PLEKHA7: variants seen among roughly 807,000 people sequenced by gnomAD.
PLEKHA7 encodes pleckstrin homology domain-containing family A member 7.
In PLEKHA7, 104 loss-of-function variants were observed where a neutral mutation model predicts 170.0. The observed-to-expected ratio is 0.61, with a 90% CI of 0.52 to 0.72. The LOEUF is 0.72. Ranked by LOEUF, PLEKHA7 falls within the 30% of genes least tolerant of loss-of-function variation. The pLI is 0.00. For synonymous variants in PLEKHA7, 648 were observed against 660.8 expected (o/e 0.98, Z 0.30); for missense variants, 1,615 against 1,671.7 (o/e 0.97, Z 0.59).
chr11:17,003,531 A>T (rs1864804719), intron 3 of PLEKHA7, among the ~76,000 whole-genome samples: 1 of 152,182 alleles, frequency 6.6e-6, no homozygotes, highest in Non-Finnish European at 1.5e-5. Flanking sequence ...TACTTGCTAA[A>T]CCCTTTCCAT....
At chr11:16,813,080 T>G (rs1352548198) in intron 13 of PLEKHA7, 33 bp downstream of exon 13, 1 of 1,601,234 alleles carries the variant, frequency 6.2e-7, no homozygotes, top group East Asian at 2.2e-5. Flanking sequence ...AAGGTGAGTA[T>G]GCAAGGAAGG....
chr11:16,907,274 C>A (rs1469954236), intron 3 of PLEKHA7, among the ~76,000 whole-genome samples: 6 of 145,318 alleles, frequency 4.1e-5, no homozygotes, highest in Non-Finnish European at 9.1e-5. Context: ...GGTCAGCCCC[C>A]CGCCCGGCCA....
At chr11:16,950,204 C>T (rs765791505) in intron 3 of PLEKHA7, among the ~76,000 whole-genome samples, 70 of 152,072 alleles carry the variant, frequency 4.6e-4, no homozygotes, top group Non-Finnish European at 7.4e-4. Context: ...CTATATACCA[C>T]GCCCTAGAAT....
At chr11:16,896,778 C>A (rs914119201) in intron 3 of PLEKHA7, among the ~76,000 whole-genome samples, 1 of 152,222 alleles carries the variant, frequency 6.6e-6, no homozygotes, top group African/African-American at 2.4e-5. Context: ...TGGCTCACCA[C>A]CCCCACATGG....
chr11:16,961,652 G>T (rs1488365566), intron 3 of PLEKHA7, among the ~76,000 whole-genome samples: 1 of 152,192 alleles, frequency 6.6e-6, no homozygotes, highest in African/African-American at 2.4e-5. Flanking sequence ...ACACACCCTG[G>T]CATCATCAAA....
chr11:16,940,898 C>T (rs1321475105), intron 3 of PLEKHA7, among the ~76,000 whole-genome samples: 3 of 152,064 alleles, frequency 2.0e-5, no homozygotes, highest in Non-Finnish European at 4.4e-5. Flanking sequence ...CCAGGTGGCT[C>T]TGAAGTCATT....
intron 3 of PLEKHA7, among the ~76,000 whole-genome samples, chr11:16,958,821 C>T (rs1245376200): frequency 1.3e-5 from 2 of 151,316 alleles, no homozygotes; most frequent in East Asian, 3.9e-4. Flanking sequence ...ATTGCACAGC[C>T]GATGTAACCA....
At chr11:16,929,198 A>G (rs1220758104) in intron 3 of PLEKHA7, among the ~76,000 whole-genome samples, 2 of 152,214 alleles carry the variant, frequency 1.3e-5, no homozygotes, top group Non-Finnish European at 2.9e-5. Context: ...ATACGGCCCC[A>G]GTTGGTGCCC....
At chr11:16,822,481 A>T in intron 10 of PLEKHA7, among the ~76,000 whole-genome samples, 1 of 144,732 alleles carries the variant, frequency 6.9e-6, no homozygotes, top group East Asian at 2.0e-4. Flanking sequence ...ACCACATCTC[A>T]AGTGTCTGCT....
At chr11:16,923,108 AG>A (rs1335856152) in intron 3 of PLEKHA7, among the ~76,000 whole-genome samples, 7 of 152,054 alleles carry the variant, frequency 4.6e-5, no homozygotes, top group African/African-American at 9.7e-5. Context: ...TCAGTGCCCT[AG>A]GGACCCCGCT....
chr11:16,845,481 C>T (rs1852320758), intron 8 of PLEKHA7, among the ~76,000 whole-genome samples: 1 of 152,120 alleles, frequency 6.6e-6, no homozygotes, highest in African/African-American at 2.4e-5. Context: ...ATCCTCCCAC[C>T]CCAGCCTCCT....
intron 10 of PLEKHA7, among the ~76,000 whole-genome samples, chr11:16,820,913 A>T (rs1417529599): frequency 1.3e-5 from 2 of 152,204 alleles, no homozygotes; most frequent in African/African-American, 2.4e-5. Context: ...ACTATGGAGG[A>T]GGGACACAGG....
chr11:16,877,246 C>T (rs1039159072), intron 3 of PLEKHA7, among the ~76,000 whole-genome samples: 1 of 152,150 alleles, frequency 6.6e-6, no homozygotes, highest in Non-Finnish European at 1.5e-5. Flanking sequence ...TGTAAAGCCA[C>T]TTACTATCTT....
intron 3 of PLEKHA7, among the ~76,000 whole-genome samples, chr11:16,988,357 G>C (rs1565184057): frequency 6.6e-6 from 1 of 152,168 alleles, no homozygotes; most frequent in Non-Finnish European, 1.5e-5. Context: ...AGGAACTCTG[G>C]GCAGAGGAAT....
In PLEKHA7 at chr11:17,014,347, C is replaced by G; in HGVS notation, c.55G>C (p.Val19Leu). The G allele has an allele frequency of 6.9e-7, 1 of 1,446,482 alleles. No homozygotes were observed. Among genetic ancestry groups the G allele is most frequent in the Non-Finnish European group, 9.1e-7 (1 of 1,094,702 alleles). 89.6% of individuals were successfully genotyped at this position (1,446,482 alleles called of 1,614,324 possible). Residue 19 changes from valine (V) to leucine (L), a missense_variant, in exon 1 of 27, where the codon GTG becomes CTG. Val to Leu is a conservative substitution (Grantham distance 32, BLOSUM62 1). Coordinates refer to ENST00000531066, the MANE Select transcript of PLEKHA7 (RefSeq NM_001329630.2). ...AAGAAGACGCGGCCATCCCGGCACA[C>G]CCCGTAGGACCAATGCTCAGGTAAA... Reference protein sequence around the residue: ...DTLPEHWSYGVCRDGRVFFIN... With the variant: ...DTLPEHWSYGLCRDGRVFFIN...
intron 3 of PLEKHA7, among the ~76,000 whole-genome samples, chr11:16,978,249 T>A (rs181693225): frequency 1.3e-5 from 2 of 152,372 alleles, no homozygotes; most frequent in Admixed American, 1.3e-4. Context: ...TTAATGCTGA[T>A]AACAAGGCCT....
At chr11:16,788,846 G>A (rs1366853535) in intron 23 of PLEKHA7, 4 of 575,254 alleles carry the variant, frequency 7.0e-6, no homozygotes, top group Non-Finnish European at 1.2e-5. Flanking sequence ...CGGCTGGGAG[G>A]ACTGACTGGG....
rs1160462846 is a variant in PLEKHA7, at chr11:16,889,416, A to ATAT, written c.222-18235_222-18234insATA. 3.0e-3 allele frequency among the ~76,000 whole-genome samples: 332 copies of ATAT among 109,594 alleles called. 1 individual carries two copies. The highest frequency in any genetic ancestry group is 0.011 in the African/African-American group (278 of 24,854). The allele number at this position is 109,594 out of a possible 152,430, so 71.9% of individuals were successfully genotyped here. A position where few individuals can be genotyped will look rare whatever the true frequency, so the allele number is the denominator to read the frequency against. ...TTTATTGCTCAAAAAAAAAAAAAAAAAAAAATATATATATATATATATATA... is the reference window on the plus strand; with the variant it reads ...TTTATTGCTCAAAAAAAAAAAAAAAATATAAAAATATATATATATATATATATA... On this transcript the variant is annotated intron_variant, in intron 3 of 26. Coordinates refer to ENST00000531066, the MANE Select transcript of PLEKHA7 (RefSeq NM_001329630.2).
At chr11:16,878,932 A>G (rs1855506881) in intron 3 of PLEKHA7, among the ~76,000 whole-genome samples, 1 of 152,188 alleles carries the variant, frequency 6.6e-6, no homozygotes, top group South Asian at 2.1e-4. Context: ...GCTCTCCTGA[A>G]CTGTGTTACA....
Sources: gnomAD v4.1 joint callset for allele counts (sites outside exome capture counted in the v4.1 genomes callset) on GRCh38, gnomAD v4.1.1 for gene constraint, MANE v1.5 for transcripts, NCBI Gene and HGNC (gene_info 2026-07-23, HGNC 2026-07-21) for gene names.